Variants in DMD observed in about 807,000 individuals in gnomAD.
DMD encodes the protein dystrophin.
DMD carries 63 observed loss-of-function variants against 330.1 expected under a neutral mutation model. The observed-to-expected ratio is 0.19, with a 90% CI of 0.16 to 0.24. The LOEUF (loss-of-function observed/expected upper bound fraction) is 0.24. DMD is among the 10% of genes least tolerant of loss of function. The pLI, the probability that DMD is intolerant of heterozygous loss-of-function variation, is 1.00. For synonymous variants in DMD, 1,223 were observed against 959.8 expected (o/e 1.27, Z -5.07); for missense variants, 3,344 against 2,684.1 (o/e 1.25, Z -5.43).
chrX:31,377,017 C>T (rs1408578391), intron 60 of DMD, among the ~76,000 whole-genome samples: 2 of 112,175 alleles, frequency 1.8e-5, no homozygotes, highest in East Asian at 5.6e-4. Flanking sequence ...AAACTTAGTA[C>T]ATATATGCAG....
At chrX:31,290,311 T>C (rs1200188930) in intron 62 of DMD, among the ~76,000 whole-genome samples, 1 of 111,425 alleles carries the variant, frequency 9.0e-6, no homozygotes, top group Non-Finnish European at 1.9e-5. Context: ...TTGGTGATGG[T>C]AGTATTAATA....
intron 44 of DMD, among the ~76,000 whole-genome samples, chrX:32,089,132 G>A (rs954699211): frequency 1.2e-4 from 13 of 111,267 alleles, no homozygotes; most frequent in Admixed American, 4.8e-4. Context: ...GGGCTTAGTC[G>A]TGTAGCCATC....
intron 2 of DMD, among the ~76,000 whole-genome samples, chrX:32,936,044 T>A (rs970870955): frequency 8.1e-5 from 9 of 111,697 alleles, no homozygotes; most frequent in Admixed American, 1.9e-4. Flanking sequence ...TATTCTGTTC[T>A]TAATATTTCA....
intron 2 of DMD, among the ~76,000 whole-genome samples, chrX:32,967,591 C>T (rs2092211288): frequency 9.0e-6 from 1 of 111,304 alleles, no homozygotes; most frequent in South Asian, 3.8e-4. Flanking sequence ...GTGGCAAACC[C>T]ATCAGAGAAA....
chrX:33,128,820 A>G (rs2095480382), intron 1 of DMD, among the ~76,000 whole-genome samples: 2 of 112,217 alleles, frequency 1.8e-5, no homozygotes, highest in Non-Finnish European at 3.8e-5. Context: ...TGAACTTCCT[A>G]TGAAAACCAA....
intron 17 of DMD, among the ~76,000 whole-genome samples, chrX:32,525,487 TGACA>T (rs2046855341): frequency 8.9e-6 from 1 of 111,778 alleles, no homozygotes; most frequent in Non-Finnish European, 1.9e-5. Context: ...TTAGGTTCAG[TGACA>T]TTTTCAATGC....
intron 29 of DMD, among the ~76,000 whole-genome samples, chrX:32,426,216 A>C (rs1459016781): frequency 1.8e-5 from 2 of 112,001 alleles, no homozygotes; most frequent in East Asian, 5.6e-4. Context: ...AACGGGAGAA[A>C]TATTTTGCAA....
Position 31,158,773 on chromosome X carries a change from T to A in DMD, c.10553+10670A>T, listed in dbSNP as rs528901026. Among the ~76,000 whole-genome samples the A allele has an allele frequency of 3.6e-5, 4 of 112,182 alleles. No individual in the cohort carries two copies. In the South Asian group the frequency reaches 1.5e-3, roughly 42 times the overall value. On this transcript the variant is annotated intron_variant, in intron 74 of 78. Coordinates refer to ENST00000357033, the MANE Select transcript of DMD (RefSeq NM_004006.3). ...AATCTTATAATGCTTTCTCCTACTATGGAAAAATCAAGGTTTAACCCATGT... is the reference window on the plus strand; with the variant it reads ...AATCTTATAATGCTTTCTCCTACTAAGGAAAAATCAAGGTTTAACCCATGT...
chrX:32,523,740 A>T (rs1305558850), intron 17 of DMD, among the ~76,000 whole-genome samples: 2 of 111,222 alleles, frequency 1.8e-5, no homozygotes, highest in Non-Finnish European at 3.8e-5. Context: ...TCTCTTGTTA[A>T]CCTATCTTTT....
chrX:32,745,685 T>C (rs1327206733), intron 7 of DMD, among the ~76,000 whole-genome samples: 5 of 112,342 alleles, frequency 4.5e-5, no homozygotes, highest in African/African-American at 9.7e-5. Flanking sequence ...CCAGCTGAGA[T>C]AGTTGCTTTT....
intron 9 of DMD, among the ~76,000 whole-genome samples, chrX:32,648,831 A>G (rs2059943539): frequency 9.0e-6 from 1 of 111,614 alleles, no homozygotes; most frequent in African/African-American, 3.3e-5. Flanking sequence ...AGAATTTTAC[A>G]TTGTACCTAA....
intron 1 of DMD, among the ~76,000 whole-genome samples, chrX:33,112,591 C>T (rs1445035346): frequency 2.7e-5 from 3 of 110,968 alleles, no homozygotes; most frequent in Non-Finnish European, 5.7e-5. Context: ...CGTCCTATCC[C>T]CCTTTGAACT....
rs571509498 is a variant in DMD, at chrX:32,913,868, C to T, written c.94-64048G>A. On this transcript the variant is annotated intron_variant, in intron 2 of 78. Coordinates refer to ENST00000357033, the MANE Select transcript of DMD (RefSeq NM_004006.3). ...TTCTTCAGAGGGACAATTATGAGTACATTCTACAGCATTCCTCAGAGGGGT... is the reference window on the plus strand; with the variant it reads ...TTCTTCAGAGGGACAATTATGAGTATATTCTACAGCATTCCTCAGAGGGGT... Among the ~76,000 whole-genome samples the T allele has an allele frequency of 4.4e-4, 49 of 112,002 alleles. No individual in the cohort carries two copies. The South Asian group carries it at 0.018, about 40-fold the overall frequency.
At chrX:32,169,979 A>G (rs908272660) in intron 44 of DMD, among the ~76,000 whole-genome samples, 3 of 111,754 alleles carry the variant, frequency 2.7e-5, no homozygotes, top group Admixed American at 9.5e-5. Context: ...ATGATCAGCT[A>G]AAGGATTTAA....
chrX:31,956,689 A>T (rs2095249780), intron 45 of DMD, among the ~76,000 whole-genome samples: 1 of 112,318 alleles, frequency 8.9e-6, no homozygotes, highest in South Asian at 3.7e-4. Flanking sequence ...GTTTCTGAGC[A>T]GTGGTTTGGA....
At chrX:32,229,162 C>G (rs1214723771) in intron 43 of DMD, among the ~76,000 whole-genome samples, 1 of 110,795 alleles carries the variant, frequency 9.0e-6, no homozygotes, top group Non-Finnish European at 1.9e-5. Flanking sequence ...AATCCTACTT[C>G]TCCTATAATA....
chrX:32,885,524 G>T (rs1207011873), intron 2 of DMD, among the ~76,000 whole-genome samples: 2 of 111,218 alleles, frequency 1.8e-5, no homozygotes, highest in African/African-American at 6.5e-5. Context: ...AATGATTCAG[G>T]AGATAAACTA....
intron 60 of DMD, among the ~76,000 whole-genome samples, chrX:31,377,144 A>G (rs755961945): frequency 1.8e-5 from 2 of 111,960 alleles, no homozygotes; most frequent in Non-Finnish European, 3.8e-5. Context: ...CTCTATTCTA[A>G]AGACTTGGTA....
intron 7 of DMD, among the ~76,000 whole-genome samples, chrX:32,804,185 A>T (rs2148711629): frequency 9.0e-6 from 1 of 111,685 alleles, no homozygotes; most frequent in African/African-American, 3.2e-5. Context: ...CAAGTTCAGC[A>T]GATCCAACGC....
Sources: gnomAD v4.1 joint callset for allele counts (sites outside exome capture counted in the v4.1 genomes callset) on GRCh38, gnomAD v4.1.1 for gene constraint, MANE v1.5 for transcripts, NCBI Gene and HGNC (gene_info 2026-07-23, HGNC 2026-07-21) for gene names.